The following TXNRD3 variants were observed in gnomAD, a reference collection of about 807,000 sequenced individuals.
The protein encoded by TXNRD3 is TXNRD3 neighbor gene protein.
A neutral mutation model predicts 78.2 loss-of-function variants in TXNRD3; 68 were observed. That is an observed-to-expected ratio of 0.87 (90% confidence interval 0.72 to 1.06). The LOEUF (loss-of-function observed/expected upper bound fraction) is 1.06. Ranked by LOEUF, TXNRD3 falls within the 50% of genes least tolerant of loss-of-function variation. The pLI is 0.00. For synonymous variants in TXNRD3, 296 were observed against 300.1 expected (o/e 0.99, Z 0.14); for missense variants, 751 against 809.5 (o/e 0.93, Z 0.88).
chr3:126,612,556 G>A (rs1226786620), intron 13 of TXNRD3, among the ~76,000 whole-genome samples: 1 of 151,982 alleles, frequency 6.6e-6, no homozygotes, highest in Non-Finnish European at 1.5e-5. Flanking sequence ...TCGGCTCACC[G>A]CAAGCTCTGC....
chr3:126,627,165 GAGGCT>G (rs1382488111), intron 10 of TXNRD3, among the ~76,000 whole-genome samples: 1 of 152,118 alleles, frequency 6.6e-6, no homozygotes, highest in East Asian at 1.9e-4. Flanking sequence ...AAACTGCAAA[GAGGCT>G]AGGTATCTAC....
At position 126,615,427 on chromosome 3, in the gene TXNRD3, A is replaced by C; in HGVS notation, c.1560T>G (p.Thr520=). The C allele has an allele frequency of 1.3e-6, 2 of 1,518,936 alleles. No homozygotes were observed. The highest frequency in any genetic ancestry group is 1.2e-5 in the South Asian group (1 of 80,628). 94.1% of individuals were successfully genotyped at this position (1,518,936 alleles called of 1,614,324 possible). Residue 520 remains threonine, a synonymous_variant, in exon 13 of 16, where the codon ACT becomes ACG. Coordinates refer to ENST00000524230, the MANE Select transcript of TXNRD3 (RefSeq NM_052883.3). ...ATCCACAGCAACCATACTCCAGAGG[A>C]GTAAACACTGTAGTCGGAACATTAA...
chr3:126,655,015 G>A lies in TXNRD3; in HGVS notation c.-25C>T. 1 of 1,296,494 alleles carries A rather than the reference G, an allele frequency of 7.7e-7. No homozygotes were observed. The highest frequency in any genetic ancestry group is 9.8e-7 in the Non-Finnish European group (1 of 1,024,770). The allele number at this position is 1,296,494 out of a possible 1,614,324, so 80.3% of individuals were successfully genotyped here. ...GAGTCTCGCTCTCGCTCCTGGCCCG[G>A]CCGGGCCTGCTCACAAACCGAAACG... On this transcript the variant is annotated 5_prime_UTR_variant, in exon 1 of 16. Transcript: ENST00000524230.
chr3:126,652,487 A>G (rs1304899940), intron 1 of TXNRD3, among the ~76,000 whole-genome samples: 1 of 152,268 alleles, frequency 6.6e-6, no homozygotes, highest in African/African-American at 2.4e-5. Context: ...TTTCTACAGC[A>G]GCAGGTCCTC....
At position 126,630,854 on chromosome 3, in the gene TXNRD3, A is replaced by G; in HGVS notation, c.1055T>C (p.Phe352Ser). 1.3e-6 allele frequency: 2 copies of G among 1,536,070 alleles called. No homozygotes were observed. The highest frequency in any genetic ancestry group is 1.7e-6 in the Non-Finnish European group (2 of 1,146,884). Residue 352 changes from phenylalanine to serine, a missense_variant, in exon 9 of 16, where the codon TTT (phenylalanine) becomes TCT (serine). By Grantham distance (155) the Phe-to-Ser change is radical. Coordinates refer to ENST00000524230, the MANE Select transcript of TXNRD3 (RefSeq NM_052883.3). The stretch of plus-strand genomic sequence containing the variant: ...GACATCTAGGCCAAAGCCAGCCAGA[A>G]ACCCTGCACACTCCAGGGCAACATA...
Position 126,654,778 on chromosome 3 carries a change from G to A in TXNRD3, c.213C>T (p.Phe71=), listed in dbSNP as rs1175082578. Reference sequence around the variant, plus strand: ...TACTATGGGGACAGTAGCTCTTGCTGAAGATCACCACCCGGCTGCGCTCGA... The same window carrying A: ...TACTATGGGGACAGTAGCTCTTGCTAAAGATCACCACCCGGCTGCGCTCGA... Residue 71 remains phenylalanine (F), a synonymous_variant, in exon 1 of 16, where the codon TTC becomes TTT. Coordinates refer to ENST00000524230, the MANE Select transcript of TXNRD3 (RefSeq NM_052883.3). 3 of 1,428,236 alleles carry A rather than the reference G, an allele frequency of 2.1e-6. No homozygotes were observed. Among genetic ancestry groups the A allele is most frequent in the Non-Finnish European group, 2.7e-6 (3 of 1,091,670 alleles). The allele number at this position is 1,428,236 out of a possible 1,614,324, so 88.5% of individuals were successfully genotyped here.
chr3:126,614,044 G>A (rs781677883), intron 13 of TXNRD3, among the ~76,000 whole-genome samples: 11 of 152,160 alleles, frequency 7.2e-5, no homozygotes, highest in African/African-American at 9.7e-5. Context: ...TTGACCCTGC[G>A]TAGGCCTAGG....
chr3:126,650,293 C>T (rs928895586), intron 1 of TXNRD3, among the ~76,000 whole-genome samples: 3 of 152,210 alleles, frequency 2.0e-5, no homozygotes, highest in African/African-American at 7.2e-5. Flanking sequence ...TGCTCACAAG[C>T]GTGAGATGAC....
intron 5 of TXNRD3, among the ~76,000 whole-genome samples, chr3:126,643,265 G>A (rs1933138840): frequency 6.6e-6 from 1 of 152,242 alleles, no homozygotes; most frequent in African/African-American, 2.4e-5. Flanking sequence ...CAGGGCAGAG[G>A]CAGAGGGGGA....
chr3:126,654,601 G>T (rs994589826), intron 1 of TXNRD3, 147 bp downstream of exon 1: 1 of 346,580 alleles, frequency 2.9e-6, no homozygotes, highest in Non-Finnish European at 4.7e-6. Context: ...CTCAGGGGAC[G>T]ACCGGGGAGA....
At chr3:126,654,433 C>T (rs1475094461) in intron 1 of TXNRD3, among the ~76,000 whole-genome samples, 1 of 152,228 alleles carries the variant, frequency 6.6e-6, no homozygotes, top group Non-Finnish European at 1.5e-5. Flanking sequence ...AAAGTTAAGG[C>T]AGTGTGCATG....
intron 1 of TXNRD3, among the ~76,000 whole-genome samples, chr3:126,648,852 C>T (rs1336600265): frequency 6.6e-6 from 1 of 152,162 alleles, no homozygotes. Context: ...AATAGCACCT[C>T]ACAAAAATTT....
chr3:126,632,006 A>C (rs779537120), intron 7 of TXNRD3, 127 bp from the exon 8 acceptor site: 38 of 643,864 alleles, frequency 5.9e-5, no homozygotes, highest in Non-Finnish European at 1.0e-4. Context: ...AAAAAGTAAT[A>C]ATGCAATGTG....
Position 126,654,844 on chromosome 3 carries a change from G to C in TXNRD3, c.147C>G (p.Ser49=), listed in dbSNP as rs1275325580. ...GGCGGCGCAGCTCCTCGCGGGCCTC[G>C]GACGAGCGGCTGGGCCCGGGGGACG... The change falls in exon 1 of 16, where the codon TCC becomes TCG. Residue 49 remains serine (S), a synonymous_variant. Coordinates refer to ENST00000524230, the MANE Select transcript of TXNRD3 (RefSeq NM_052883.3). The C allele has an allele frequency of 7.3e-7, 1 of 1,370,720 alleles. No homozygotes were observed. The highest frequency in any genetic ancestry group is 9.4e-7 in the Non-Finnish European group (1 of 1,067,350). The allele number at this position is 1,370,720 out of a possible 1,614,324, so 84.9% of individuals were successfully genotyped here.
chr3:126,628,879 T>A (rs923451837), intron 10 of TXNRD3, among the ~76,000 whole-genome samples: 1 of 152,066 alleles, frequency 6.6e-6, no homozygotes, highest in African/African-American at 2.4e-5. Context: ...ACTGAAAAAA[T>A]TTCTACATAA....
At chr3:126,620,024 G>A (rs1427658612) in intron 12 of TXNRD3, among the ~76,000 whole-genome samples, 2 of 152,116 alleles carry the variant, frequency 1.3e-5, no homozygotes, top group Non-Finnish European at 2.9e-5. Flanking sequence ...GGCCGGGCAC[G>A]GTGGCTCATG....
chr3:126,635,518 A>G (rs1938836110), intron 6 of TXNRD3, among the ~76,000 whole-genome samples: 1 of 152,090 alleles, frequency 6.6e-6, no homozygotes, highest in African/African-American at 2.4e-5. Context: ...GAGAAAGGTC[A>G]CCCTCTATAC....
At position 126,655,090 on chromosome 3, in the gene TXNRD3, C is replaced by A; in HGVS notation, c.-100G>T. 7.7e-7 allele frequency: 1 copy of A among 1,300,144 alleles called. No individual in the cohort carries two copies. The highest frequency in any genetic ancestry group is 9.8e-7 in the Non-Finnish European group (1 of 1,024,002). 80.5% of individuals were successfully genotyped at this position (1,300,144 alleles called of 1,614,324 possible). ...GGCCTGAGGGGCGGCGAACGCTGCC[C>A]TCGCTGGCCACTCTCACCACCCGCG... On this transcript the variant is annotated 5_prime_UTR_variant, in exon 1 of 16. The change creates a new upstream start codon in the 5' untranslated region. Coordinates refer to ENST00000524230, the MANE Select transcript of TXNRD3 (RefSeq NM_052883.3).
intron 10 of TXNRD3, among the ~76,000 whole-genome samples, chr3:126,623,869 A>AAT (rs1559773214): frequency 1.3e-5 from 2 of 151,452 alleles, no homozygotes; most frequent in African/African-American, 4.8e-5. Flanking sequence ...AAAAAAAAAA[A>AAT]AGATTAAAAG....
Sources: gnomAD v4.1 joint callset for allele counts (sites outside exome capture counted in the v4.1 genomes callset) on GRCh38, gnomAD v4.1.1 for gene constraint, MANE v1.5 for transcripts, NCBI Gene and HGNC (gene_info 2026-07-23, HGNC 2026-07-21) for gene names.